ZNF282: variants seen among roughly 807,000 people sequenced by gnomAD.
ZNF282 encodes HTLV-I U5 repressive element-binding protein 1.
In ZNF282, 30 loss-of-function variants were observed where a neutral mutation model predicts 61.9. The ratio of observed to expected loss-of-function variants is 0.48; its 90% CI spans 0.36 to 0.66. The LOEUF is 0.66. Ranked by LOEUF, ZNF282 falls within the 30% of genes least tolerant of loss-of-function variation. ZNF282 has a pLI of 0.00. For synonymous variants in ZNF282, 396 were observed against 405.0 expected (o/e 0.98, Z 0.27); for missense variants, 788 against 941.4 (o/e 0.84, Z 2.13).
In ZNF282 at chr7:149,224,774, TC is replaced by T; in HGVS notation, c.*132del. On this transcript the variant is annotated 3_prime_UTR_variant, in exon 8 of 8. Transcript: ENST00000610704. ...ACAGGCATTGCACTCCGGTTGGGGG[TC>T]CCCCAGGGTGGGGCAGGGATCCCCC... The T allele has an allele frequency of 7.1e-7, 1 of 1,402,146 alleles. No individual in the cohort carries two copies. Among genetic ancestry groups the T allele is most frequent in the African/African-American group, 1.5e-5 (1 of 68,914 alleles). 86.9% of individuals were successfully genotyped at this position (1,402,146 alleles called of 1,614,324 possible).
At chr7:149,221,837 G>C (rs1467781216) in intron 7 of ZNF282, among the ~76,000 whole-genome samples, 1 of 152,134 alleles carries the variant, frequency 6.6e-6, no homozygotes, top group Non-Finnish European at 1.5e-5. Flanking sequence ...AGGGCTGGGT[G>C]GAAACATGGC....
intron 2 of ZNF282, among the ~76,000 whole-genome samples, chr7:149,205,976 C>T (rs182731351): frequency 8.5e-5 from 13 of 152,250 alleles, no homozygotes; most frequent in African/African-American, 9.6e-5. Context: ...TTGGACAATT[C>T]GGTCCAAGTT....
chr7:149,219,545 G>A (rs1040142035), intron 7 of ZNF282, among the ~76,000 whole-genome samples: 2 of 152,078 alleles, frequency 1.3e-5, no homozygotes, highest in South Asian at 2.1e-4. Context: ...TGGTGATCTC[G>A]GCAAAAGTTT....
At chr7:149,200,932 A>C (rs1466538588) in intron 2 of ZNF282, among the ~76,000 whole-genome samples, 1 of 152,132 alleles carries the variant, frequency 6.6e-6, no homozygotes, top group Non-Finnish European at 1.5e-5. Context: ...GTATGCTCTC[A>C]CCTCCCAAAT....
intron 1 of ZNF282, among the ~76,000 whole-genome samples, chr7:149,197,685 C>A (rs1268533742): frequency 2.0e-5 from 3 of 152,214 alleles, no homozygotes; most frequent in Non-Finnish European, 4.4e-5. Context: ...GTTGGCCAGG[C>A]TGGTCTTGAA....
Position 149,198,047 on chromosome 7 carries a change from C to A in ZNF282, c.166-286C>A, listed in dbSNP as rs1795846060. ...CAGTTGGTCTATTCAAAGAAAGTGG[C>A]CTGTGACATTTTAGGCAGGGGTTGC... On this transcript the variant is annotated intron_variant, in intron 1 of 7. Coordinates refer to ENST00000610704, the MANE Select transcript of ZNF282 (RefSeq NM_003575.4). The surrounding 1 kb of genome is among the most constrained non-coding windows in gnomAD (Gnocchi z 4.3). Among the ~76,000 whole-genome samples the A allele has an allele frequency of 6.6e-6, 1 of 152,194 alleles. No homozygotes were observed. The highest frequency in any genetic ancestry group is 6.5e-5 in the Admixed American group (1 of 15,288).
chr7:149,213,829 C>A lies in ZNF282; in HGVS notation c.1180+15C>A. The A allele has an allele frequency of 6.3e-7, 1 of 1,588,232 alleles. No individual in the cohort carries two copies. The highest frequency in any genetic ancestry group is 1.3e-5 in the African/African-American group (1 of 74,406). Reference sequence around the variant, plus strand: ...CTCTGGCCCTAGTGAGTAACGTCCCCACCTAGACCCTGGGGTTTCTTCTCT... The same window carrying A: ...CTCTGGCCCTAGTGAGTAACGTCCCAACCTAGACCCTGGGGTTTCTTCTCT... On this transcript the variant is annotated intron_variant, in intron 7 of 7. Transcript: ENST00000610704.
chr7:149,207,513 G>A, intron 4 of ZNF282, 43 bp downstream of exon 4: 3 of 1,552,082 alleles, frequency 1.9e-6, no homozygotes, highest in Non-Finnish European at 2.6e-6. Flanking sequence ...GGAAGGGCGA[G>A]AGAGGACAGC....
At chr7:149,210,744 G>C in intron 5 of ZNF282, 40 bp downstream of exon 5, 2 of 1,516,352 alleles carry the variant, frequency 1.3e-6, no homozygotes, top group Non-Finnish European at 8.8e-7. Flanking sequence ...GGGAGGGGAG[G>C]GGAGGGGAGA....
intron 3 of ZNF282, 150 bp from the exon 4 acceptor site, chr7:149,207,201 C>CAAGGTTCTTTATAAG: frequency 1.0e-6 from 1 of 1,000,678 alleles, no homozygotes; most frequent in Non-Finnish European, 1.4e-6. Context: ...GACTCGTTTT[C>CAAGGTTCTTTATAAG]AGATTACCCG....
At chr7:149,211,696 C>G (rs1234974101) in intron 5 of ZNF282, among the ~76,000 whole-genome samples, 2 of 152,132 alleles carry the variant, frequency 1.3e-5, no homozygotes, top group Non-Finnish European at 2.9e-5. Flanking sequence ...ACCTCATCCC[C>G]CCCTTAGTCA....
chr7:149,210,733 AG>A, intron 5 of ZNF282, 29 bp downstream of exon 5: 1 of 1,501,090 alleles, frequency 6.7e-7, no homozygotes, highest in East Asian at 2.4e-5. Flanking sequence ...CGTCCACACC[AG>A]GGAGGGGAGG....
intron 1 of ZNF282, among the ~76,000 whole-genome samples, chr7:149,197,984 A>C (rs1206281069): frequency 6.6e-6 from 1 of 152,280 alleles, no homozygotes; most frequent in African/African-American, 2.4e-5. Flanking sequence ...CACTAGGCAA[A>C]TACAAAGTTC....
At chr7:149,201,464 C>T (rs1279456774) in intron 2 of ZNF282, among the ~76,000 whole-genome samples, 1 of 152,134 alleles carries the variant, frequency 6.6e-6, no homozygotes, top group Non-Finnish European at 1.5e-5. Context: ...GCTTAAACCT[C>T]CCAAATGGCT....
In ZNF282 at chr7:149,224,766, G is replaced by C; in HGVS notation, c.*119G>C. 1 of 1,419,430 alleles carries C rather than the reference G, an allele frequency of 7.0e-7. No individual in the cohort carries two copies. Among genetic ancestry groups the C allele is most frequent in the Non-Finnish European group, 9.2e-7 (1 of 1,085,696 alleles). 87.9% of individuals were successfully genotyped at this position (1,419,430 alleles called of 1,614,324 possible). On this transcript the variant is annotated 3_prime_UTR_variant, in exon 8 of 8. Transcript: ENST00000610704. ...AATCGGCAACAGGCATTGCACTCCG[G>C]TTGGGGGTCCCCCAGGGTGGGGCAG...
chr7:149,223,450 A>AAAC (rs775292147), intron 7 of ZNF282, among the ~76,000 whole-genome samples: 1 of 152,170 alleles, frequency 6.6e-6, no homozygotes, highest in Non-Finnish European at 1.5e-5. Context: ...CCTGTCTGGA[A>AAAC]AAACAAACAA....
chr7:149,205,493 C>G (rs1795978684), intron 2 of ZNF282, among the ~76,000 whole-genome samples: 1 of 152,042 alleles, frequency 6.6e-6, no homozygotes, highest in Non-Finnish European at 1.5e-5. Flanking sequence ...TATTAATTTT[C>G]CCAGGTTGGG....
At chr7:149,221,127 T>G (rs1796242761) in intron 7 of ZNF282, among the ~76,000 whole-genome samples, 1 of 152,122 alleles carries the variant, frequency 6.6e-6, no homozygotes, top group Non-Finnish European at 1.5e-5. Flanking sequence ...CTAGGTTGCC[T>G]AGGCTGGTCT....
At chr7:149,219,099 C>T (rs1333438207) in intron 7 of ZNF282, among the ~76,000 whole-genome samples, 1 of 152,172 alleles carries the variant, frequency 6.6e-6, no homozygotes, top group East Asian at 1.9e-4. Context: ...GCTCAGTCTC[C>T]AGCCCCTTTC....
Sources: gnomAD v4.1 joint callset for allele counts (sites outside exome capture counted in the v4.1 genomes callset) on GRCh38, gnomAD v4.1.1 for gene constraint, Gnocchi (gnomAD v3.1) non-coding constraint, MANE v1.5 for transcripts, NCBI Gene and HGNC (gene_info 2026-07-23, HGNC 2026-07-21) for gene names.